Variants in FNIP1 observed in about 807,000 individuals in gnomAD.
FNIP1 encodes folliculin interacting protein 1.
Under a neutral mutation model 124.5 loss-of-function variants are expected in FNIP1, and 40 were observed. That is an observed-to-expected ratio of 0.32 (90% confidence interval 0.25 to 0.42). The LOEUF is 0.42. FNIP1 is among the 10% of genes least tolerant of loss of function. The probability of loss-of-function intolerance (pLI) is 1.00; values close to 1 mark genes in which losing one functional copy is unlikely to be tolerated. For synonymous variants in FNIP1, 472 were observed against 470.6 expected (o/e 1.00, Z -0.04); for missense variants, 1,176 against 1,403.7 (o/e 0.84, Z 2.59).
At chr5:131,682,052 G>T (rs993848275) in intron 11 of FNIP1, among the ~76,000 whole-genome samples, 10 of 152,052 alleles carry the variant, frequency 6.6e-5, no homozygotes, top group Non-Finnish European at 1.0e-4. Context: ...AGTAGGATAG[G>T]ATTCATTTAT....
chr5:131,675,482 A>C (rs895510087), intron 13 of FNIP1, among the ~76,000 whole-genome samples: 1 of 152,254 alleles, frequency 6.6e-6, no homozygotes, highest in Non-Finnish European at 1.5e-5. Flanking sequence ...AATTTAAAAA[A>C]TACTACTAAT....
intron 1 of FNIP1, among the ~76,000 whole-genome samples, chr5:131,760,396 C>A (rs1771188007): frequency 6.6e-6 from 1 of 152,094 alleles, no homozygotes; most frequent in Non-Finnish European, 1.5e-5. Flanking sequence ...CGAAATAATT[C>A]ACTTGTGTTT....
intron 1 of FNIP1, among the ~76,000 whole-genome samples, chr5:131,765,979 A>G (rs1771408838): frequency 6.6e-6 from 1 of 152,174 alleles, no homozygotes. Flanking sequence ...TTTCTTGCAT[A>G]CTATTGAGGA....
At chr5:131,738,022 T>C (rs897748860) in intron 2 of FNIP1, among the ~76,000 whole-genome samples, 1 of 152,282 alleles carries the variant, frequency 6.6e-6, no homozygotes, top group African/African-American at 2.4e-5. Flanking sequence ...TTAGTTTTTG[T>C]CATTAGAAAA....
In FNIP1 at chr5:131,706,490, G is replaced by A. The variant is rs1410021969; in HGVS notation, c.835C>T (p.Arg279Ter). 1.2e-6 allele frequency: 2 copies of A among 1,613,204 alleles called. No individual in the cohort carries two copies. Among genetic ancestry groups the A allele is most frequent in the African/African-American group, 1.3e-5 (1 of 74,890 alleles). The part of the protein sequence containing the change: ...PFPSPNSSLT[R>*]SCASSYQRRW... ...CGCTGGTAGCTGCTGGCACAACTTC[G>A]GGTAAGTGAGGAGTTTGGGGAAGGA... The change falls in exon 9 of 18, where the codon CGA (arginine) becomes TGA (stop). Residue 279 changes from arginine to a stop codon, truncating the protein, a stop_gained. Coordinates refer to ENST00000510461, the MANE Select transcript of FNIP1 (RefSeq NM_133372.3). LOFTEE classifies it high-confidence loss of function.
rs773306641 is a variant in FNIP1 at position 131,679,016 on chromosome 5, A to C, written c.1349+13T>G. 6.3e-7 allele frequency: 1 copy of C among 1,577,946 alleles called. No homozygotes were observed. Among genetic ancestry groups the C allele is most frequent in the East Asian group, 2.3e-5 (1 of 44,300 alleles). ...ACAATCTAGATATCTAGTTATAATA[A>C]ATAAATTCATACTGATTTTTGGAAG... On this transcript the variant is annotated intron_variant, in intron 12 of 17. Coordinates refer to ENST00000510461, the MANE Select transcript of FNIP1 (RefSeq NM_133372.3).
chr5:131,655,109 G>T (rs1369616037), intron 15 of FNIP1, among the ~76,000 whole-genome samples: 1 of 152,046 alleles, frequency 6.6e-6, no homozygotes, highest in Non-Finnish European at 1.5e-5. Flanking sequence ...ATAATATATG[G>T]GTAAAGTTTT....
intron 2 of FNIP1, among the ~76,000 whole-genome samples, chr5:131,738,341 C>T (rs1313133613): frequency 6.6e-6 from 1 of 152,070 alleles, no homozygotes; most frequent in Admixed American, 6.6e-5. Context: ...TAACACTTGG[C>T]ATTTTAAATT....
chr5:131,690,049 T>A (rs1268119418), intron 11 of FNIP1, among the ~76,000 whole-genome samples: 2 of 151,748 alleles, frequency 1.3e-5, no homozygotes, highest in Non-Finnish European at 2.9e-5. Flanking sequence ...TGAAACCCCA[T>A]CTCTACTAAA....
rs376572121 is a variant in FNIP1 at position 131,674,510 on chromosome 5, T to C, written c.1520-1586A>G. The stretch of plus-strand genomic sequence containing the variant: ...CAGGCTGATCACTTGAGCCCAGGAG[T>C]TCAAGACCAGCCTGGGCAACATGGC... On this transcript the variant is annotated intron_variant, in intron 13 of 17. Coordinates refer to ENST00000510461, the MANE Select transcript of FNIP1 (RefSeq NM_133372.3). Among the ~76,000 whole-genome samples the C allele has an allele frequency of 2.0e-5, 3 of 148,986 alleles. No individual in the cohort carries two copies. The East Asian group carries it at 5.9e-4, about 29-fold the overall frequency.
intron 1 of FNIP1, among the ~76,000 whole-genome samples, chr5:131,752,882 A>C (rs1177362340): frequency 6.6e-6 from 1 of 152,246 alleles, no homozygotes; most frequent in Non-Finnish European, 1.5e-5. Context: ...AGTCTGACCT[A>C]CATGGGAGAA....
In FNIP1 at chr5:131,785,165, AC is replaced by A. The variant is rs1367875075; in HGVS notation, c.92+11664del. Among the ~76,000 whole-genome samples the A allele has an allele frequency of 1.3e-3, 116 of 88,022 alleles. 1 individual carries two copies. Among genetic ancestry groups the A allele is most frequent in the East Asian group, 8.4e-3 (40 of 4,778 alleles). The allele number at this position is 88,022 out of a possible 152,430, so 57.7% of individuals were successfully genotyped here. A position where few individuals can be genotyped will look rare whatever the true frequency, so the allele number is the denominator to read the frequency against. On this transcript the variant is annotated intron_variant, in intron 1 of 17. Coordinates refer to ENST00000510461, the MANE Select transcript of FNIP1 (RefSeq NM_133372.3). ...TATAGTCATATATATGATATATATG[AC>A]TATATATATATCATATATATGATAT...
chr5:131,697,760 GT>G (rs1768750762), intron 11 of FNIP1, among the ~76,000 whole-genome samples: 1 of 151,674 alleles, frequency 6.6e-6, no homozygotes, highest in East Asian at 1.9e-4. Context: ...GAGGTCAGGA[GT>G]TTGAGAACAG....
At chr5:131,730,122 G>A (rs1268581502) in intron 3 of FNIP1, among the ~76,000 whole-genome samples, 1 of 152,158 alleles carries the variant, frequency 6.6e-6, no homozygotes, top group Non-Finnish European at 1.5e-5. Context: ...GTATAGCACA[G>A]GACTATTATG....
At chr5:131,784,993 A>G (rs528212494) in intron 1 of FNIP1, among the ~76,000 whole-genome samples, 1 of 133,406 alleles carries the variant, frequency 7.5e-6, no homozygotes, top group Admixed American at 7.7e-5. Flanking sequence ...TATCATATAT[A>G]TATGATATAT....
chr5:131,698,845 A>G lies in FNIP1; in HGVS notation c.1202+72T>C, dbSNP rs186216861. ...AAAGAAATCAAATTTTATTAGAACA[A>G]GTTAAAGAAAAAATGAATCTTCCTG... On this transcript the variant is annotated intron_variant, in intron 11 of 17. Transcript: ENST00000510461. 9.5e-4 allele frequency: 1,243 copies of G among 1,306,032 alleles called. 9 individuals are homozygous for G. In the Middle Eastern group the frequency reaches 0.013, roughly 14 times the overall value. The allele number at this position is 1,306,032 out of a possible 1,614,324, so 80.9% of individuals were successfully genotyped here.
intron 1 of FNIP1, among the ~76,000 whole-genome samples, chr5:131,781,082 T>C (rs1771978852): frequency 6.6e-6 from 1 of 152,198 alleles, no homozygotes; most frequent in Non-Finnish European, 1.5e-5. Context: ...GGACAAAATA[T>C]GAATGGTCTG....
In FNIP1 at chr5:131,672,502, G is replaced by A. The variant is rs371111405; in HGVS notation, c.1942C>T (p.Gln648Ter). 11 of 1,613,306 alleles carry A rather than the reference G, an allele frequency of 6.8e-6. No individual in the cohort carries two copies. Among genetic ancestry groups the A allele is most frequent in the African/African-American group, 4.0e-5 (3 of 74,926 alleles). ...KELLGISDEC[Q>*]MISPSDCQEE... ...TGGCAGTCAGAAGGAGAAATCATCT[G>A]GCACTCATCTGAAATTCCTAGCAGC... The change falls in exon 14 of 18, where the codon CAG becomes TAG. Residue 648 changes from glutamine (Q) to a stop codon, truncating the protein, a stop_gained. Transcript: ENST00000510461. LOFTEE classifies it high-confidence loss of function.
chr5:131,744,716 A>T, intron 1 of FNIP1, 26 bp from the exon 2 acceptor site: 1 of 1,593,068 alleles, frequency 6.3e-7, no homozygotes, highest in South Asian at 1.1e-5. Flanking sequence ...AGGAAAAGTA[A>T]AGATCCATTA....
Sources: allele counts gnomAD v4.1 joint callset (sites outside exome capture counted in the v4.1 genomes callset), GRCh38; gene constraint gnomAD v4.1.1; transcripts MANE v1.5; gene names NCBI Gene and HGNC (gene_info 2026-07-23, HGNC 2026-07-21).